Variants in ANKRD29 observed in about 807,000 individuals in gnomAD.
ANKRD29 encodes ankyrin repeat domain-containing protein 29.
A neutral mutation model predicts 38.0 loss-of-function variants in ANKRD29; 32 were observed. The ratio of observed to expected loss-of-function variants is 0.84; its 90% confidence interval spans 0.64 to 1.13. The LOEUF is 1.13. ANKRD29 is among the 50% of genes most tolerant of loss of function. The probability of loss-of-function intolerance (pLI) is 0.00; values close to 1 mark genes in which losing one functional copy is unlikely to be tolerated. For synonymous variants in ANKRD29, 135 were observed against 152.4 expected, an observed-to-expected ratio of 0.89 and a Z score of 0.84; for missense variants, 357 against 377.9, an observed-to-expected ratio of 0.94 and a Z score of 0.46.
rs1312716724 is a variant in ANKRD29 at position 23,646,273 on chromosome 18, G to C, written c.147C>G (p.Leu49=). ...VDCRDSHGTT[L]LMVAAYAGHI... ...GGCCAGCGTAGGCAGCAACCATCAGGAGTGTGGTGCCATGCTGGATGGAGG... is the reference window on the plus strand; with the variant it reads ...GGCCAGCGTAGGCAGCAACCATCAGCAGTGTGGTGCCATGCTGGATGGAGG... Residue 49 remains leucine, a synonymous_variant, in exon 3 of 10, where the codon CTC becomes CTG. Transcript: ENST00000592179. 1 of 1,613,968 alleles carries C rather than the reference G, an allele frequency of 6.2e-7. No homozygotes were observed. The highest frequency in any genetic ancestry group is 2.2e-5 in the East Asian group (1 of 44,896).
At chr18:23,660,635 G>A (rs1373898893) in intron 1 of ANKRD29, among the ~76,000 whole-genome samples, 2 of 152,114 alleles carry the variant, frequency 1.3e-5, no homozygotes, top group East Asian at 1.9e-4. Flanking sequence ...GCGAAACCCC[G>A]TCTCTACTAA....
At chr18:23,616,765 T>C (rs1208369521) in intron 8 of ANKRD29, among the ~76,000 whole-genome samples, 2 of 146,900 alleles carry the variant, frequency 1.4e-5, no homozygotes, top group Non-Finnish European at 3.0e-5. Flanking sequence ...TTAGTAAGCA[T>C]TACTATTAAT....
At position 23,645,083 on chromosome 18, in the gene ANKRD29, C is replaced by G. The variant is rs139612149; in HGVS notation, c.231+1106G>C. Among the ~76,000 whole-genome samples, 236 of 152,220 alleles carry G rather than the reference C, an allele frequency of 1.6e-3. 1 individual carries two copies. Among genetic ancestry groups the G allele is most frequent in the African/African-American group, 5.4e-3 (225 of 41,540 alleles). On this transcript the variant is annotated intron_variant, in intron 3 of 9. Coordinates refer to ENST00000592179, the MANE Select transcript of ANKRD29 (RefSeq NM_173505.4). ...TTTCTAAAATGTTGCAAGGCATGAC[C>G]TGGGATAAAATAAGGCTGGACCAAG... is the stretch of plus-strand genomic sequence containing the variant.
chr18:23,618,092 A>G (rs538488671), intron 7 of ANKRD29, among the ~76,000 whole-genome samples: 8 of 152,370 alleles, frequency 5.3e-5, no homozygotes, highest in African/African-American at 1.9e-4. Flanking sequence ...TCCTGAGAAC[A>G]CTGGGCAGGG....
rs575293584 is a variant in ANKRD29 at position 23,662,910 on chromosome 18, G to A, written c.-180C>T. Reference sequence around the variant, plus strand: ...CACAGGGCCGGGCCGAAGGGGCGGCGCGGGGGCGCGCGCGCGCGCACACTA... The same window carrying A: ...CACAGGGCCGGGCCGAAGGGGCGGCACGGGGGCGCGCGCGCGCGCACACTA... On this transcript the variant is annotated 5_prime_UTR_variant, in exon 1 of 10. Coordinates refer to ENST00000592179, the MANE Select transcript of ANKRD29 (RefSeq NM_173505.4). 5.8e-5 allele frequency: 16 copies of A among 276,060 alleles called. No homozygotes were observed. The highest frequency in any genetic ancestry group is 8.2e-5 in the Non-Finnish European group (15 of 181,966). The allele number at this position is 276,060 out of a possible 1,614,324, so 17.1% of individuals were successfully genotyped here. A position where few individuals can be genotyped will look rare whatever the true frequency, so the allele number is the denominator to read the frequency against.
chr18:23,633,403 G>A (rs1448641785), intron 5 of ANKRD29, among the ~76,000 whole-genome samples: 3 of 152,056 alleles, frequency 2.0e-5, no homozygotes, highest in African/African-American at 7.2e-5. Context: ...GAAAAATTTT[G>A]TATATTTTGG....
In ANKRD29 at chr18:23,626,956, T is replaced by C. The variant is rs546733726; in HGVS notation, c.528+2897A>G. On this transcript the variant is annotated intron_variant, in intron 6 of 9. Coordinates refer to ENST00000592179, the MANE Select transcript of ANKRD29 (RefSeq NM_173505.4). ...GGTATTCCTGTCCTCATTTTGTAAA[T>C]TCAAGGATTTTCCAATAATGACTCA... Among the ~76,000 whole-genome samples the C allele has an allele frequency of 3.9e-5, 6 of 152,338 alleles. 1 individual carries two copies. In the South Asian group the frequency reaches 1.2e-3, roughly 32 times the overall value.
At position 23,638,945 on chromosome 18, in the gene ANKRD29, T is replaced by C. The variant is rs1441527374; in HGVS notation, c.234A>G (p.Ser78=). ...QGADINLQRE[S]GTTALFFAAQ... ...CGGCAAAGAATAGGGCAGTTGTACC[T>C]GACTGGGAGAGAGGGAGAGGCTAGT... The change falls in exon 4 of 10, where the codon TCA becomes TCG. Residue 78 remains serine, a splice_region_variant and synonymous_variant. Coordinates refer to ENST00000592179, the MANE Select transcript of ANKRD29 (RefSeq NM_173505.4). The C allele has an allele frequency of 1.3e-6, 2 of 1,599,560 alleles. No homozygotes were observed.
intron 8 of ANKRD29, among the ~76,000 whole-genome samples, chr18:23,613,164 A>ATTTTTT (rs546475443): frequency 8.1e-5 from 8 of 99,054 alleles, no homozygotes; most frequent in Non-Finnish European, 1.2e-4. Context: ...ACGGGTCAGA[A>ATTTTTT]TTTTTTTTTT....
chr18:23,618,160 T>C (rs1379193650), intron 7 of ANKRD29, among the ~76,000 whole-genome samples: 1 of 152,232 alleles, frequency 6.6e-6, no homozygotes, highest in Non-Finnish European at 1.5e-5. Flanking sequence ...AGAGGCATTC[T>C]CGGCTGTTCA....
chr18:23,640,086 C>G (rs111604144), intron 3 of ANKRD29, among the ~76,000 whole-genome samples: 1 of 152,046 alleles, frequency 6.6e-6, no homozygotes, highest in East Asian at 1.9e-4. Context: ...TATTTTACCA[C>G]AATAAAAAAC....
chr18:23,602,647 C>T (rs1169571709), intron 9 of ANKRD29, among the ~76,000 whole-genome samples: 4 of 152,088 alleles, frequency 2.6e-5, no homozygotes, highest in Non-Finnish European at 5.9e-5. Flanking sequence ...GGGCTATGCG[C>T]AGTGGCTCAC....
At chr18:23,661,474 G>A (rs996491684) in intron 1 of ANKRD29, among the ~76,000 whole-genome samples, 1 of 152,238 alleles carries the variant, frequency 6.6e-6, no homozygotes, top group Non-Finnish European at 1.5e-5. Context: ...GGGAGGCCAA[G>A]GAGGGTGGAT....
At chr18:23,625,639 T>C (rs1490689122) in intron 6 of ANKRD29, among the ~76,000 whole-genome samples, 1 of 152,132 alleles carries the variant, frequency 6.6e-6, no homozygotes, top group East Asian at 1.9e-4. Context: ...TTGCACTGGG[T>C]GTGTATCAGC....
chr18:23,612,280 A>G (rs2059653292), intron 8 of ANKRD29, 90 bp from the exon 9 acceptor site: 6 of 1,166,562 alleles, frequency 5.1e-6, no homozygotes, highest in Admixed American at 2.1e-5. Context: ...GGGTGATAAG[A>G]CTGTAACCTC....
chr18:23,624,494 A>AAAAAAAAAAAAAAG, intron 6 of ANKRD29, among the ~76,000 whole-genome samples: 1 of 149,422 alleles, frequency 6.7e-6, no homozygotes. Flanking sequence ...AAAAAAAAAA[A>AAAAAAAAAAAAAAG]AAAAAAGGTA....
intron 6 of ANKRD29, among the ~76,000 whole-genome samples, chr18:23,620,476 C>A (rs747148701): frequency 6.6e-6 from 1 of 152,088 alleles, no homozygotes; most frequent in Non-Finnish European, 1.5e-5. Flanking sequence ...GGGTGGTTCC[C>A]AGCAGATGGG....
At chr18:23,626,537 ATTGT>A (rs1246255016) in intron 6 of ANKRD29, among the ~76,000 whole-genome samples, 1 of 152,200 alleles carries the variant, frequency 6.6e-6, no homozygotes, top group Non-Finnish European at 1.5e-5. Flanking sequence ...ATGAAAATGA[ATTGT>A]TAGAGTGAAA....
chr18:23,635,813 C>A (rs1409297608), intron 4 of ANKRD29, among the ~76,000 whole-genome samples: 1 of 152,028 alleles, frequency 6.6e-6, no homozygotes, highest in Non-Finnish European at 1.5e-5. Context: ...TAAGAGGTCT[C>A]GAATTCGTAG....
Sources: gnomAD v4.1 joint callset for allele counts (sites outside exome capture counted in the v4.1 genomes callset) on GRCh38, gnomAD v4.1.1 for gene constraint, MANE v1.5 for transcripts, NCBI Gene and HGNC (gene_info 2026-07-23, HGNC 2026-07-21) for gene names.